The following IL1RAPL2 variants were observed in gnomAD, a reference collection of about 807,000 sequenced individuals.
IL1RAPL2 encodes the protein interleukin 1 receptor accessory protein like 2, also known as X-linked interleukin-1 receptor accessory protein-like 2.
Under a neutral mutation model 44.1 loss-of-function variants are expected in IL1RAPL2, and 3 were observed. That is an observed-to-expected ratio of 0.07 (90% CI 0.03 to 0.18). The LOEUF (loss-of-function observed/expected upper bound fraction) is 0.18, where lower values mean the gene tolerates loss of function less well. Ranked by LOEUF, IL1RAPL2 falls within the 10% of genes least tolerant of loss-of-function variation. IL1RAPL2 has a pLI of 1.00. For synonymous variants in IL1RAPL2, 181 were observed against 178.8 expected (o/e 1.01, Z -0.10); for missense variants, 391 against 496.4 (o/e 0.79, Z 2.02).
chrX:105,751,853 AATCT>A (rs775061965), intron 9 of IL1RAPL2, among the ~76,000 whole-genome samples: 1 of 112,047 alleles, frequency 8.9e-6, no homozygotes, highest in South Asian at 3.7e-4. Flanking sequence ...TCATCCAGAT[AATCT>A]ATCAAGTTTT....
At chrX:105,293,750 G>GA (rs1423488285) in intron 5 of IL1RAPL2, among the ~76,000 whole-genome samples, 9 of 108,734 alleles carry the variant, frequency 8.3e-5, no homozygotes, top group African/African-American at 1.7e-4. Context: ...ATATAATTCT[G>GA]AAAAAAAAAT....
At chrX:105,725,894 G>C (rs971151616) in intron 7 of IL1RAPL2, among the ~76,000 whole-genome samples, 2 of 111,727 alleles carry the variant, frequency 1.8e-5, no homozygotes, top group Non-Finnish European at 3.8e-5. Flanking sequence ...ACCTGTATGT[G>C]AATGTACACA....
At chrX:105,632,862 G>A (rs1394307940) in intron 6 of IL1RAPL2, among the ~76,000 whole-genome samples, 1 of 111,815 alleles carries the variant, frequency 8.9e-6, no homozygotes, top group Non-Finnish European at 1.9e-5. Context: ...ATGCATGCCA[G>A]TTCTCAACGA....
At chrX:105,501,243 C>T (rs2036392614) in intron 6 of IL1RAPL2, among the ~76,000 whole-genome samples, 1 of 111,705 alleles carries the variant, frequency 9.0e-6, no homozygotes, top group South Asian at 3.7e-4. Flanking sequence ...TCCTTCACTG[C>T]AGCCCTCCCA....
chrX:104,668,776 C>T (rs1490288656), intron 2 of IL1RAPL2, among the ~76,000 whole-genome samples: 1 of 108,633 alleles, frequency 9.2e-6, no homozygotes, highest in Non-Finnish European at 1.9e-5. Flanking sequence ...TCTGAAGTAG[C>T]GTTTTACCAT....
intron 1 of IL1RAPL2, among the ~76,000 whole-genome samples, chrX:104,635,986 G>C (rs913845110): frequency 2.7e-5 from 3 of 111,254 alleles, no homozygotes; most frequent in Non-Finnish European, 3.8e-5. Flanking sequence ...ATCTACCTTT[G>C]GTCTTTGATG....
At chrX:104,925,847 G>A (rs982883944) in intron 2 of IL1RAPL2, among the ~76,000 whole-genome samples, 5 of 111,684 alleles carry the variant, frequency 4.5e-5, no homozygotes, top group Non-Finnish European at 9.4e-5. Flanking sequence ...TTCGTGGCCA[G>A]AGAAATCAGG....
At chrX:105,316,984 G>C (rs940349650) in intron 5 of IL1RAPL2, among the ~76,000 whole-genome samples, 1 of 110,938 alleles carries the variant, frequency 9.0e-6, no homozygotes, top group Non-Finnish European at 1.9e-5. Flanking sequence ...ATCACTAAAG[G>C]CCCTAATCCA....
At chrX:104,950,953 T>C (rs1350540491) in intron 2 of IL1RAPL2, among the ~76,000 whole-genome samples, 1 of 111,717 alleles carries the variant, frequency 9.0e-6, no homozygotes, top group African/African-American at 3.3e-5. Flanking sequence ...AGGTGCCGTC[T>C]GTCACCCCTT....
rs930083912 is a variant in IL1RAPL2, at chrX:104,690,849, C to G, written c.82+31854C>G. Among the ~76,000 whole-genome samples, 8 of 111,667 alleles carry G rather than the reference C, an allele frequency of 7.2e-5. 1 individual carries two copies. Among genetic ancestry groups the G allele is most frequent in the African/African-American group, 2.6e-4 (8 of 30,701 alleles). On this transcript the variant is annotated intron_variant, in intron 2 of 10. Coordinates refer to ENST00000372582, the MANE Select transcript of IL1RAPL2 (RefSeq NM_017416.2). ...AAGTGCAACATTTGTTCACAGCTCT[C>G]TATCCCCGATAAATGGAATTAGGAA...
At chrX:104,996,714 G>A (rs965369999) in intron 2 of IL1RAPL2, among the ~76,000 whole-genome samples, 37 of 112,031 alleles carry the variant, frequency 3.3e-4, no homozygotes, top group African/African-American at 1.0e-3. Flanking sequence ...CTAAGAATAA[G>A]TCAGTAAGGC....
intron 5 of IL1RAPL2, among the ~76,000 whole-genome samples, chrX:105,328,604 T>A (rs1182625339): frequency 8.9e-6 from 1 of 111,843 alleles, no homozygotes; most frequent in East Asian, 2.8e-4. Flanking sequence ...TGCGTTTACC[T>A]GCAGCAAAAC....
At chrX:104,887,492 G>A (rs1381444713) in intron 2 of IL1RAPL2, among the ~76,000 whole-genome samples, 2 of 111,701 alleles carry the variant, frequency 1.8e-5, no homozygotes, top group Non-Finnish European at 3.8e-5. Context: ...CTTAGTGTCA[G>A]AGGCTATCAA....
intron 5 of IL1RAPL2, among the ~76,000 whole-genome samples, chrX:105,436,068 A>G (rs193239295): frequency 8.9e-6 from 1 of 111,843 alleles, no homozygotes; most frequent in Admixed American, 9.5e-5. Context: ...AATAAATAAG[A>G]AAAGGAACAA....
chrX:105,343,709 G>A (rs959282028), intron 5 of IL1RAPL2, among the ~76,000 whole-genome samples: 2 of 111,337 alleles, frequency 1.8e-5, no homozygotes, highest in Non-Finnish European at 3.8e-5. Flanking sequence ...CTCTTTTAGC[G>A]AATTATATTA....
chrX:105,258,221 G>T (rs1443830496), intron 4 of IL1RAPL2, among the ~76,000 whole-genome samples: 1 of 111,716 alleles, frequency 9.0e-6, no homozygotes, highest in Non-Finnish European at 1.9e-5. Flanking sequence ...ATTCTTGGTT[G>T]AAGATTTTTT....
chrX:105,664,926 C>G (rs1187616005), intron 6 of IL1RAPL2, among the ~76,000 whole-genome samples: 2 of 112,278 alleles, frequency 1.8e-5, no homozygotes, highest in Non-Finnish European at 3.8e-5. Flanking sequence ...CATAACTTCA[C>G]AGAATTTGTG....
intron 1 of IL1RAPL2, among the ~76,000 whole-genome samples, chrX:104,593,246 A>C (rs1435776416): frequency 2.7e-5 from 3 of 111,763 alleles, no homozygotes; most frequent in Non-Finnish European, 5.7e-5. Flanking sequence ...CTTTGACCAA[A>C]TAGCAATTTA....
chrX:104,770,134 G>A (rs923063828), intron 2 of IL1RAPL2, among the ~76,000 whole-genome samples: 1 of 110,694 alleles, frequency 9.0e-6, no homozygotes, highest in African/African-American at 3.3e-5. Context: ...TCCAGCCTAG[G>A]TTTAATTAGT....
Sources: allele counts gnomAD v4.1 joint callset (sites outside exome capture counted in the v4.1 genomes callset), GRCh38; gene constraint gnomAD v4.1.1; transcripts MANE v1.5; gene names NCBI Gene and HGNC (gene_info 2026-07-23, HGNC 2026-07-21).